Variants in SLC17A1 observed in about 807,000 individuals in gnomAD.
The protein encoded by SLC17A1 is solute carrier family 17 member 1.
In SLC17A1, 51 loss-of-function variants were observed where a neutral mutation model predicts 53.5. The ratio of observed to expected loss-of-function variants is 0.95; its 90% CI spans 0.76 to 1.20. The LOEUF is 1.20. SLC17A1 is among the 50% of genes most tolerant of loss of function. The pLI is 0.00. For missense variants in SLC17A1, 538 were observed against 568.2 expected (o/e 0.95, Z 0.54); for synonymous variants, 179 against 198.8 (o/e 0.90, Z 0.84).
chr6:25,816,872 A>C (rs1477450097), intron 6 of SLC17A1, among the ~76,000 whole-genome samples: 1 of 127,000 alleles, frequency 7.9e-6, no homozygotes, highest in Non-Finnish European at 1.7e-5. Context: ...TTTGAGACGG[A>C]GTTTCACTCT....
At chr6:25,741,677 C>T in the SLC17A1 span, among the ~76,000 whole-genome samples, 1 of 151,944 alleles carries the variant, frequency 6.6e-6, no homozygotes, top group Admixed American at 6.6e-5. Flanking sequence ...GATCACTCCA[C>T]TGCACTCCAG....
chr6:25,757,892 A>G, the SLC17A1 span, among the ~76,000 whole-genome samples: 2 of 152,206 alleles, frequency 1.3e-5, no homozygotes, highest in Non-Finnish European at 2.9e-5. Flanking sequence ...GGTGTTGGGC[A>G]TCAGGCAGTC....
chr6:25,798,843 A>G lies in SLC17A1; in HGVS notation c.1346T>C (p.Ile449Thr), dbSNP rs776771256. The G allele has an allele frequency of 1.7e-5, 27 of 1,611,102 alleles. No homozygotes were observed. The East Asian group carries it at 6.0e-4, about 36-fold the overall frequency. The change falls in exon 12 of 13, where the codon ATA (isoleucine) becomes ACA (threonine). Residue 449 changes from isoleucine (I) to threonine (T), a missense_variant. Ile to Thr is a moderately conservative substitution (Grantham distance 89). Coordinates refer to ENST00000244527, the MANE Select transcript of SLC17A1 (RefSeq NM_005074.5). ...GTCCTGAATTTCTGCTGTAGCAACTATAAGGTAGAAAATTAGGCCAGTCAC... is the reference window on the plus strand; with the variant it reads ...GTCCTGAATTTCTGCTGTAGCAACTGTAAGGTAGAAAATTAGGCCAGTCAC... ...INVTGLIFYLIVATAEIQDWA... is the reference protein window; with the variant it reads ...INVTGLIFYLTVATAEIQDWA...
chr6:25,798,722 A>G, intron 12 of SLC17A1, 61 bp downstream of exon 12: 1 of 1,464,152 alleles, frequency 6.8e-7, no homozygotes, highest in Non-Finnish European at 9.3e-7. Flanking sequence ...AGTCATCCTT[A>G]TCTCCTCTGT....
downstream of SLC17A1, chr6:25,779,892 G>A (rs528085170): frequency 6.6e-6 from 1 of 152,284 alleles, no homozygotes; most frequent in Admixed American, 6.5e-5. Flanking sequence ...ACATTGCCCA[G>A]TGTCTCTTCT....
rs537524216 is a variant in SLC17A1, at chr6:25,799,255, T to C, written c.1270-336A>G. On this transcript the variant is annotated intron_variant, in intron 11 of 12. Coordinates refer to ENST00000244527, the MANE Select transcript of SLC17A1 (RefSeq NM_005074.5). Reference sequence around the variant, plus strand: ...CTTATGTAGCTGACATATTATTGTATCCTGTAAGCTTATATAGATAAAGAG... The same window carrying C: ...CTTATGTAGCTGACATATTATTGTACCCTGTAAGCTTATATAGATAAAGAG... Among the ~76,000 whole-genome samples the C allele has an allele frequency of 7.9e-5, 12 of 152,302 alleles. No homozygotes were observed. The South Asian group carries it at 2.5e-3, about 32-fold the overall frequency.
the SLC17A1 span, among the ~76,000 whole-genome samples, chr6:25,771,526 A>C: frequency 3.3e-5 from 5 of 152,218 alleles, 1 homozygote; most frequent in East Asian, 7.7e-4. Context: ...GTGAGCCAAG[A>C]TCACACTACT....
intron 10 of SLC17A1, among the ~76,000 whole-genome samples, chr6:25,804,670 C>G (rs1033023204): frequency 6.6e-6 from 1 of 151,924 alleles, no homozygotes; most frequent in Non-Finnish European, 1.5e-5. Context: ...CATATAAACT[C>G]AAGGTAAAAG....
intron 10 of SLC17A1, among the ~76,000 whole-genome samples, chr6:25,802,179 A>C (rs545647470): frequency 9.9e-4 from 151 of 152,296 alleles, no homozygotes; most frequent in African/African-American, 3.5e-3. Context: ...ATACATTAAC[A>C]TTATACATTA....
chr6:25,790,645 T>C (rs1383557285), intron 12 of SLC17A1, among the ~76,000 whole-genome samples: 1 of 152,064 alleles, frequency 6.6e-6, no homozygotes, highest in Non-Finnish European at 1.5e-5. Flanking sequence ...TACAAACACA[T>C]TTAACAAAAC....
the SLC17A1 span, chr6:25,776,957 T>G: frequency 7.6e-4 from 1,219 of 1,610,420 alleles, no homozygotes; most frequent in Non-Finnish European, 9.4e-4. Context: ...ATATTGCTCC[T>G]CGGTAGGGAC....
chr6:25,756,508 T>C, the SLC17A1 span, among the ~76,000 whole-genome samples: 2 of 152,178 alleles, frequency 1.3e-5, no homozygotes, highest in Non-Finnish European at 2.9e-5. Flanking sequence ...TCTTTTCATA[T>C]GTGCCCCTCC....
At chr6:25,753,563 TA>T in the SLC17A1 span, among the ~76,000 whole-genome samples, 1 of 151,854 alleles carries the variant, frequency 6.6e-6, no homozygotes, top group Non-Finnish European at 1.5e-5. Flanking sequence ...ATGGAGAAAA[TA>T]AAAAATAATG....
At chr6:25,778,142 G>A (rs1763090939), downstream of SLC17A1, 3 of 619,920 alleles carry the variant, frequency 4.8e-6, no homozygotes, top group African/African-American at 5.5e-5. Flanking sequence ...TAATTTACAT[G>A]ATGACTTAAG....
chr6:25,727,044 G>A, the SLC17A1 span: 1 of 1,614,100 alleles, frequency 6.2e-7, no homozygotes. Flanking sequence ...CATCTACAAA[G>A]TGCTAAAGCA....
chr6:25,758,358 G>T, the SLC17A1 span, among the ~76,000 whole-genome samples: 7 of 152,172 alleles, frequency 4.6e-5, no homozygotes, highest in African/African-American at 1.7e-4. Context: ...CAGCCTACCT[G>T]TGTCCCTGAA....
downstream of SLC17A1, among the ~76,000 whole-genome samples, chr6:25,781,878 C>T (rs984686510): frequency 6.6e-6 from 1 of 152,290 alleles, no homozygotes; most frequent in Admixed American, 6.5e-5. Context: ...ACATCTAAAC[C>T]ATAGCAGAAG....
chr6:25,798,547 C>T (rs1763655940), intron 12 of SLC17A1: 2 of 362,794 alleles, frequency 5.5e-6, no homozygotes, highest in African/African-American at 2.1e-5. Flanking sequence ...TTCTCTTTTT[C>T]ATCCTCATCT....
At chr6:25,786,319 G>T (rs1763381522) in intron 12 of SLC17A1, among the ~76,000 whole-genome samples, 1 of 152,200 alleles carries the variant, frequency 6.6e-6, no homozygotes, top group Non-Finnish European at 1.5e-5. Flanking sequence ...GTCTGTGTTT[G>T]GGTGGGCCCA....
Sources: allele counts gnomAD v4.1 joint callset (sites outside exome capture counted in the v4.1 genomes callset), GRCh38; gene constraint gnomAD v4.1.1; transcripts MANE v1.5; gene names NCBI Gene and HGNC (gene_info 2026-07-23, HGNC 2026-07-21).